The following VPS13B variants were observed in gnomAD, a reference collection of about 807,000 sequenced individuals.
The protein encoded by VPS13B is intermembrane lipid transfer protein VPS13B.
A neutral mutation model predicts 426.4 loss-of-function variants in VPS13B; 285 were observed. The ratio of observed to expected loss-of-function variants is 0.67; its 90% CI spans 0.61 to 0.74. The LOEUF (loss-of-function observed/expected upper bound fraction) is 0.74. Ranked by LOEUF, VPS13B falls within the 30% of genes least tolerant of loss-of-function variation. VPS13B has a pLI of 0.00. For missense variants in VPS13B, 4,537 were observed against 4,782.6 expected, an observed-to-expected ratio of 0.95 and a Z score of 1.51; for synonymous variants, 1,676 against 1,676.4, an observed-to-expected ratio of 1.00 and a Z score of 0.01.
At chr8:99,259,663 A>C (rs1588182495) in intron 17 of VPS13B, among the ~76,000 whole-genome samples, 2 of 152,236 alleles carry the variant, frequency 1.3e-5, no homozygotes, top group East Asian at 1.9e-4. Flanking sequence ...CTCTGTCCTC[A>C]TTCAGATTTT....
intron 15 of VPS13B, among the ~76,000 whole-genome samples, chr8:99,163,038 G>T (rs1252562733): frequency 3.0e-4 from 45 of 152,174 alleles, no homozygotes; most frequent in Non-Finnish European, 7.3e-5. Context: ...CACCAGAGCG[G>T]CTAGATACAG....
At chr8:99,407,662 GTTTATTTT>G (rs1328337812) in intron 21 of VPS13B, among the ~76,000 whole-genome samples, 9 of 150,898 alleles carry the variant, frequency 6.0e-5, no homozygotes, top group Non-Finnish European at 1.3e-4. Context: ...TAATTAATTA[GTTTATTTT>G]TTTATTTTTT....
chr8:99,596,008 A>G (rs910608236), intron 33 of VPS13B, among the ~76,000 whole-genome samples: 8 of 151,934 alleles, frequency 5.3e-5, no homozygotes, highest in African/African-American at 1.9e-4. Flanking sequence ...TCAAATAATA[A>G]CAAGTTTCGA....
At chr8:99,111,904 T>C (rs1847390086) in intron 6 of VPS13B, among the ~76,000 whole-genome samples, 1 of 152,130 alleles carries the variant, frequency 6.6e-6, no homozygotes, top group Admixed American at 6.5e-5. Context: ...ATCCAGATAG[T>C]GAACATAGTA....
At chr8:99,608,067 T>A (rs1006528231) in intron 33 of VPS13B, among the ~76,000 whole-genome samples, 3 of 152,098 alleles carry the variant, frequency 2.0e-5, no homozygotes, top group Non-Finnish European at 4.4e-5. Flanking sequence ...AGAGAGTATT[T>A]TAATAACCTT....
intron 15 of VPS13B, among the ~76,000 whole-genome samples, chr8:99,167,044 TG>T (rs1812046747): frequency 6.6e-6 from 1 of 152,190 alleles, no homozygotes; most frequent in African/African-American, 2.4e-5. Context: ...CTACATCAAA[TG>T]AAGTATCATA....
intron 3 of VPS13B, among the ~76,000 whole-genome samples, chr8:99,056,156 A>G (rs1587974531): frequency 1.3e-5 from 2 of 152,008 alleles, no homozygotes; most frequent in Admixed American, 1.3e-4. Context: ...TCCCAGGCTT[A>G]AGTGATCCTC....
chr8:99,811,567 A>G (rs912817354), intron 44 of VPS13B, among the ~76,000 whole-genome samples: 3 of 152,126 alleles, frequency 2.0e-5, no homozygotes, highest in African/African-American at 7.2e-5. Flanking sequence ...CCACAATTTG[A>G]CTACTATAGC....
At chr8:99,760,786 G>T (rs1309775317) in intron 39 of VPS13B, among the ~76,000 whole-genome samples, 2 of 152,106 alleles carry the variant, frequency 1.3e-5, no homozygotes, top group Admixed American at 6.5e-5. Context: ...AGAAAATTGT[G>T]CTTCTACTGC....
chr8:99,049,649 G>A (rs534293342), intron 3 of VPS13B, among the ~76,000 whole-genome samples: 2 of 152,056 alleles, frequency 1.3e-5, no homozygotes, highest in South Asian at 2.1e-4. Context: ...GTGTGCCTAG[G>A]CGATGATCTT....
At chr8:99,330,015 CCT>C (rs1331763095) in intron 19 of VPS13B, among the ~76,000 whole-genome samples, 1 of 151,632 alleles carries the variant, frequency 6.6e-6, no homozygotes, top group Admixed American at 6.6e-5. Context: ...TGAAGTCACC[CCT>C]GTTTGAGAGT....
chr8:99,482,994 C>A (rs1459559599), intron 25 of VPS13B, among the ~76,000 whole-genome samples: 1 of 151,980 alleles, frequency 6.6e-6, no homozygotes, highest in Non-Finnish European at 1.5e-5. Context: ...TAGAAGTTAA[C>A]GTTTTTTTGT....
At chr8:99,066,533 TA>T (rs1406800561) in intron 3 of VPS13B, among the ~76,000 whole-genome samples, 3 of 152,208 alleles carry the variant, frequency 2.0e-5, no homozygotes, top group Non-Finnish European at 2.9e-5. Flanking sequence ...ATGTTAGACC[TA>T]AAACCACAAA....
intron 23 of VPS13B, among the ~76,000 whole-genome samples, chr8:99,462,847 G>A (rs181829138): frequency 3.7e-4 from 57 of 152,248 alleles, no homozygotes; most frequent in Middle Eastern, 3.4e-3. Flanking sequence ...GTGAGAACAT[G>A]GCAAGAAGGT....
chr8:99,642,446 ATC>A lies in VPS13B; in HGVS notation c.5857_5858del (p.Ser1953HisfsTer3). The A allele has an allele frequency of 6.2e-7, 1 of 1,614,074 alleles. No homozygotes were observed. The highest frequency in any genetic ancestry group is 8.5e-7 in the Non-Finnish European group (1 of 1,180,004). On this transcript the variant is annotated frameshift_variant, in exon 34 of 62. Transcript: ENST00000357162. LOFTEE classifies it high-confidence loss of function. ...ACCACAGAAAGCAGCGAGTGGAAGT[ATC>A]CATTTTTGATGCTGTGCTTAAAGGG... is the stretch of plus-strand genomic sequence containing the variant. ...CHHRKQRVEV[S>X]IFDAVLKGVA... is the part of the protein sequence containing the mutation.
At chr8:99,623,173 C>CTGT (rs1358332826) in intron 33 of VPS13B, among the ~76,000 whole-genome samples, 5 of 152,204 alleles carry the variant, frequency 3.3e-5, no homozygotes, top group African/African-American at 2.4e-5. Flanking sequence ...GTCCATCACA[C>CTGT]TGACCTCCTT....
chr8:99,288,357 A>G (rs931270460), intron 19 of VPS13B, among the ~76,000 whole-genome samples: 1 of 152,116 alleles, frequency 6.6e-6, no homozygotes, highest in South Asian at 2.1e-4. Context: ...TTCTGCAAAC[A>G]TAATAGATAT....
intron 17 of VPS13B, among the ~76,000 whole-genome samples, chr8:99,269,840 C>T (rs372687956): frequency 7.3e-4 from 111 of 152,050 alleles, no homozygotes; most frequent in African/African-American, 2.5e-3. Context: ...AAAGAAACTA[C>T]GATTATTTTT....
chr8:99,789,920 T>C (rs998743859), intron 43 of VPS13B, among the ~76,000 whole-genome samples: 2 of 152,062 alleles, frequency 1.3e-5, no homozygotes, highest in Non-Finnish European at 2.9e-5. Flanking sequence ...TAAGGTGATA[T>C]TATTCTATTT....
Sources: gnomAD v4.1 joint callset for allele counts (sites outside exome capture counted in the v4.1 genomes callset) on GRCh38, gnomAD v4.1.1 for gene constraint, MANE v1.5 for transcripts, NCBI Gene and HGNC (gene_info 2026-07-23, HGNC 2026-07-21) for gene names.